The following GABRB1 variants were observed in gnomAD, a reference collection of about 807,000 sequenced individuals.
GABRB1 encodes gamma-aminobutyric acid type A receptor subunit beta1.
In GABRB1, 17 loss-of-function variants were observed where a neutral mutation model predicts 51.6. That is an observed-to-expected ratio of 0.33 (90% CI 0.23 to 0.49). The LOEUF is 0.49. Ranked by LOEUF, GABRB1 falls within the 20% of genes least tolerant of loss-of-function variation. The pLI is 0.99. For missense variants in GABRB1, 410 were observed against 600.6 expected (o/e 0.68, Z 3.32); for synonymous variants, 247 against 218.9 (o/e 1.13, Z -1.14).
chr4:47,324,398 C>T (rs1725180696), intron 5 of GABRB1, among the ~76,000 whole-genome samples: 1 of 152,136 alleles, frequency 6.6e-6, no homozygotes, highest in African/African-American at 2.4e-5. Flanking sequence ...CCCTGTCTAC[C>T]TCTTTTCTCA....
At chr4:47,123,871 ATCTTATATATAAT>A (rs1560545802) in intron 3 of GABRB1, among the ~76,000 whole-genome samples, 1 of 85,196 alleles carries the variant, frequency 1.2e-5, no homozygotes, top group Non-Finnish European at 2.2e-5. Context: ...TATGATATAT[ATCTTATATATAAT>A]ATATATAATA....
chr4:47,354,049 T>C (rs930720546), intron 5 of GABRB1, among the ~76,000 whole-genome samples: 1 of 152,162 alleles, frequency 6.6e-6, no homozygotes, highest in Non-Finnish European at 1.5e-5. Context: ...TGGGAAATAG[T>C]TACTGCTCTG....
chr4:47,238,132 G>A (rs1721395766), intron 4 of GABRB1, among the ~76,000 whole-genome samples: 1 of 151,964 alleles, frequency 6.6e-6, no homozygotes, highest in African/African-American at 2.4e-5. Flanking sequence ...GGATATTACA[G>A]GCAAATGGAT....
chr4:47,000,452 CT>C (rs1022806684), intron 1 of GABRB1, among the ~76,000 whole-genome samples: 3 of 152,176 alleles, frequency 2.0e-5, no homozygotes, highest in Non-Finnish European at 4.4e-5. Flanking sequence ...TATTCATCTT[CT>C]TTTGTGGAGC....
At position 47,219,361 on chromosome 4, in the gene GABRB1, G is replaced by A. The variant is rs113852069; in HGVS notation, c.461+57892G>A. 2.6e-3 allele frequency among the ~76,000 whole-genome samples: 396 copies of A among 151,894 alleles called. 1 individual carries two copies. The highest frequency in any genetic ancestry group is 4.7e-3 in the Non-Finnish European group (322 of 67,818). Reference sequence around the variant, plus strand: ...AGTCTGACACTGCTTGCAGAAATTAGATACTAAAGTAACTAGCCTGATCTA... The same window carrying A: ...AGTCTGACACTGCTTGCAGAAATTAAATACTAAAGTAACTAGCCTGATCTA... On this transcript the variant is annotated intron_variant, in intron 4 of 8. Transcript: ENST00000295454.
intron 3 of GABRB1, among the ~76,000 whole-genome samples, chr4:47,133,322 G>A (rs1716504890): frequency 6.6e-6 from 1 of 152,114 alleles, no homozygotes; most frequent in South Asian, 2.1e-4. Flanking sequence ...AAAATATCTA[G>A]TCAGATATTC....
At chr4:47,301,824 T>C (rs1365194065) in intron 4 of GABRB1, among the ~76,000 whole-genome samples, 1 of 152,094 alleles carries the variant, frequency 6.6e-6, no homozygotes, top group Non-Finnish European at 1.5e-5. Context: ...CACAGGGCAA[T>C]AATCAATTAC....
chr4:47,268,364 C>T (rs965168095), intron 4 of GABRB1, among the ~76,000 whole-genome samples: 1 of 152,028 alleles, frequency 6.6e-6, no homozygotes, highest in African/African-American at 2.4e-5. Context: ...AAATATAAAA[C>T]GTCAGAAGAA....
At chr4:47,297,981 G>A (rs780989476) in intron 4 of GABRB1, among the ~76,000 whole-genome samples, 3 of 152,164 alleles carry the variant, frequency 2.0e-5, no homozygotes, top group Non-Finnish European at 4.4e-5. Context: ...CAGAATCAAA[G>A]ACAAAAACTA....
Position 47,426,242 on chromosome 4 carries a change from C to A in GABRB1, c.*224C>A, listed in dbSNP as rs1729289767. 1 of 376,094 alleles carries A rather than the reference C, an allele frequency of 2.7e-6. No homozygotes were observed. Among genetic ancestry groups the A allele is most frequent in the Non-Finnish European group, 4.7e-6 (1 of 211,118 alleles). The allele number at this position is 376,094 out of a possible 1,614,324, so 23.3% of individuals were successfully genotyped here. A position where few individuals can be genotyped will look rare whatever the true frequency, so the allele number is the denominator to read the frequency against. On this transcript the variant is annotated 3_prime_UTR_variant, in exon 9 of 9. Coordinates refer to ENST00000295454, the MANE Select transcript of GABRB1 (RefSeq NM_000812.4). ...TCTACCGTGGTCCAGGTTATCAGCT[C>A]TTTAAGAGCTCTATTAATTGCCATG... is the stretch of plus-strand genomic sequence containing the variant.
At chr4:47,080,326 T>C (rs920351775) in intron 3 of GABRB1, among the ~76,000 whole-genome samples, 3 of 151,450 alleles carry the variant, frequency 2.0e-5, no homozygotes, top group African/African-American at 4.9e-5. Flanking sequence ...TAGGGTCCTG[T>C]CTTGAATGTC....
chr4:47,052,787 G>A (rs893566453), intron 3 of GABRB1, among the ~76,000 whole-genome samples: 7 of 152,094 alleles, frequency 4.6e-5, no homozygotes, highest in Non-Finnish European at 7.3e-5. Flanking sequence ...TGTATCCATC[G>A]CTTTGCGGAT....
Position 47,379,806 on chromosome 4 carries a change from G to A in GABRB1, c.545-23512G>A, listed in dbSNP as rs566448703. Among the ~76,000 whole-genome samples, 488 of 152,298 alleles carry A rather than the reference G, an allele frequency of 3.2e-3. 7 individuals carry two copies. Among genetic ancestry groups the A allele is most frequent in the Non-Finnish European group, 4.2e-3 (289 of 68,018 alleles). On this transcript the variant is annotated intron_variant, in intron 5 of 8. Coordinates refer to ENST00000295454, the MANE Select transcript of GABRB1 (RefSeq NM_000812.4). The stretch of plus-strand genomic sequence containing the variant: ...TATGAAATAATTAGTATGAAACTAG[G>A]CAGTGGAGTGAAGAAGAAAGATTTT...
chr4:47,190,894 G>A (rs1719416160), intron 4 of GABRB1, among the ~76,000 whole-genome samples: 1 of 152,174 alleles, frequency 6.6e-6, no homozygotes, highest in African/African-American at 2.4e-5. Flanking sequence ...AATGACTGTG[G>A]CAGATGTTTT....
At chr4:47,333,429 C>A (rs1356437963) in intron 5 of GABRB1, among the ~76,000 whole-genome samples, 1 of 151,888 alleles carries the variant, frequency 6.6e-6, no homozygotes, top group Non-Finnish European at 1.5e-5. Flanking sequence ...ACAATAGCTT[C>A]TCAGGCCGGG....
intron 3 of GABRB1, among the ~76,000 whole-genome samples, chr4:47,138,247 A>G (rs958556995): frequency 6.6e-6 from 1 of 152,068 alleles, no homozygotes; most frequent in African/African-American, 2.4e-5. Flanking sequence ...GAGTATGTTT[A>G]TTAACCTGAA....
intron 3 of GABRB1, among the ~76,000 whole-genome samples, chr4:47,128,914 C>A (rs947578828): frequency 2.6e-5 from 4 of 152,056 alleles, no homozygotes; most frequent in African/African-American, 9.7e-5. Context: ...AGGTACAAAA[C>A]CGTACATTGT....
chr4:47,400,619 A>G (rs1018252963), intron 5 of GABRB1, among the ~76,000 whole-genome samples: 1 of 151,216 alleles, frequency 6.6e-6, no homozygotes, highest in African/African-American at 2.4e-5. Context: ...TTTTACTTAC[A>G]TGGATGAATT....
intron 4 of GABRB1, among the ~76,000 whole-genome samples, chr4:47,221,854 C>T (rs557520006): frequency 6.6e-6 from 1 of 152,098 alleles, no homozygotes; most frequent in South Asian, 2.1e-4. Flanking sequence ...GACTTAATAT[C>T]TATTGTTGAT....
Sources: gnomAD v4.1 joint callset for allele counts (sites outside exome capture counted in the v4.1 genomes callset) on GRCh38, gnomAD v4.1.1 for gene constraint, MANE v1.5 for transcripts, NCBI Gene and HGNC (gene_info 2026-07-23, HGNC 2026-07-21) for gene names.